Variants in KLF12 observed in about 807,000 individuals in gnomAD.
KLF12 encodes KLF transcription factor 12.
In KLF12, 9 loss-of-function variants were observed where a neutral mutation model predicts 37.8. The observed-to-expected ratio is 0.24, with a 90% CI of 0.14 to 0.42. The LOEUF (loss-of-function observed/expected upper bound fraction) is 0.42, where lower values mean the gene tolerates loss of function less well. Among genes scored for constraint, KLF12 ranks in the 10% least tolerant of loss-of-function variants. KLF12 has a pLI of 1.00. For synonymous variants in KLF12, 208 were observed against 202.1 expected, an observed-to-expected ratio of 1.03 and a Z score of -0.25; for missense variants, 411 against 516.0, an observed-to-expected ratio of 0.80 and a Z score of 1.97.
Position 73,879,807 on chromosome 13 carries a change from C to T in KLF12, c.124-33434G>A, listed in dbSNP as rs148190485. 5.3e-3 allele frequency among the ~76,000 whole-genome samples: 800 copies of T among 152,268 alleles called. 27 individuals are homozygous for T. Among genetic ancestry groups the T allele is most frequent in the Admixed American group, 0.047 (722 of 15,290 alleles). ...ATGGAACACCACGCCCTCTCATTTG[C>T]ATATCCCCCTCCAGCTGCTTTTGCA... On this transcript the variant is annotated intron_variant, in intron 3 of 7. Transcript: ENST00000377669.
chr13:74,087,190 A>G (rs1875360275), intron 1 of KLF12, among the ~76,000 whole-genome samples: 1 of 152,216 alleles, frequency 6.6e-6, no homozygotes, highest in African/African-American at 2.4e-5. Flanking sequence ...AACAGGAAAT[A>G]GAAAGCATGG....
the KLF12 span, among the ~76,000 whole-genome samples, chr13:74,149,759 G>A: frequency 6.6e-6 from 1 of 152,144 alleles, no homozygotes; most frequent in Non-Finnish European, 1.5e-5. Flanking sequence ...GGTAGTCATG[G>A]CATGGCTACC....
chr13:73,832,965 TAG>T (rs994398763), intron 4 of KLF12, among the ~76,000 whole-genome samples: 11 of 152,318 alleles, frequency 7.2e-5, no homozygotes, highest in Non-Finnish European at 1.5e-4. Context: ...GGAGAGAATA[TAG>T]AGTCTGGAGA....
At chr13:73,890,454 C>A (rs1030043164) in intron 3 of KLF12, among the ~76,000 whole-genome samples, 1 of 152,042 alleles carries the variant, frequency 6.6e-6, no homozygotes, top group African/African-American at 2.4e-5. Context: ...TTTAAAAAAT[C>A]ACCTTACATA....
At chr13:74,048,882 GA>G (rs1428778131) in intron 1 of KLF12, among the ~76,000 whole-genome samples, 4 of 152,166 alleles carry the variant, frequency 2.6e-5, no homozygotes, top group African/African-American at 9.7e-5. Context: ...GTAAGTGGAA[GA>G]AATGATTTGG....
the KLF12 span, among the ~76,000 whole-genome samples, chr13:74,214,617 GTGTC>G: frequency 6.6e-6 from 1 of 151,346 alleles, no homozygotes; most frequent in Non-Finnish European, 1.5e-5. Flanking sequence ...GTGGTATAGA[GTGTC>G]TGGTGATACT....
At chr13:74,135,314 G>A (rs1486008111), upstream of KLF12, among the ~76,000 whole-genome samples, 2 of 152,042 alleles carry the variant, frequency 1.3e-5, no homozygotes, top group Middle Eastern at 3.4e-3. Flanking sequence ...GACCCCCGCG[G>A]GGCCCGGGGG....
At chr13:73,732,790 T>C (rs990433437) in intron 6 of KLF12, among the ~76,000 whole-genome samples, 5 of 152,058 alleles carry the variant, frequency 3.3e-5, no homozygotes, top group Non-Finnish European at 7.4e-5. Context: ...GACTCGTATA[T>C]CTTTTAGGCC....
At chr13:74,007,662 T>G (rs1566502057) in intron 1 of KLF12, among the ~76,000 whole-genome samples, 1 of 152,284 alleles carries the variant, frequency 6.6e-6, no homozygotes, top group African/African-American at 2.4e-5. Context: ...AAAATAAACA[T>G]TAGTTTAAAA....
chr13:73,991,961 G>A (rs1891981327), intron 2 of KLF12, among the ~76,000 whole-genome samples: 1 of 152,188 alleles, frequency 6.6e-6, no homozygotes, highest in African/African-American at 2.4e-5. Context: ...CTCACAGAAA[G>A]GCTTGCTCTT....
intron 5 of KLF12, among the ~76,000 whole-genome samples, chr13:73,803,995 C>T (rs779460697): frequency 7.2e-5 from 11 of 152,198 alleles, no homozygotes; most frequent in Non-Finnish European, 1.5e-4. Context: ...ATACCATTTC[C>T]ACTTAAAACC....
At chr13:73,919,341 AC>A (rs1889004817) in intron 3 of KLF12, among the ~76,000 whole-genome samples, 1 of 152,188 alleles carries the variant, frequency 6.6e-6, no homozygotes, top group Non-Finnish European at 1.5e-5. Context: ...GACTCCTATA[AC>A]AAAACCTAAC....
At chr13:74,159,658 C>G in the KLF12 span, among the ~76,000 whole-genome samples, 6 of 152,158 alleles carry the variant, frequency 3.9e-5, no homozygotes, top group Admixed American at 2.6e-4. Context: ...TTCTTTCACT[C>G]TTATTCAGTA....
At chr13:74,127,414 A>C (rs1878002049) in intron 1 of KLF12, among the ~76,000 whole-genome samples, 2 of 152,246 alleles carry the variant, frequency 1.3e-5, no homozygotes, top group Non-Finnish European at 2.9e-5. Flanking sequence ...ACCAGAAGGA[A>C]TACTATGAGT....
chr13:74,210,283 A>G, the KLF12 span, among the ~76,000 whole-genome samples: 1 of 152,210 alleles, frequency 6.6e-6, no homozygotes, highest in Non-Finnish European at 1.5e-5. Flanking sequence ...AAAAATTATT[A>G]TGGTGAATGA....
chr13:74,063,547 G>T (rs1873735542), intron 1 of KLF12, among the ~76,000 whole-genome samples: 1 of 151,992 alleles, frequency 6.6e-6, no homozygotes, highest in Non-Finnish European at 1.5e-5. Context: ...TATTTCTCAG[G>T]TTTACTCCTT....
At chr13:74,171,148 C>A in the KLF12 span, among the ~76,000 whole-genome samples, 1 of 152,196 alleles carries the variant, frequency 6.6e-6, no homozygotes, top group East Asian at 1.9e-4. Context: ...CAAACCAGGT[C>A]TCCTGATGCC....
intron 5 of KLF12, among the ~76,000 whole-genome samples, chr13:73,805,366 T>A (rs966718854): frequency 6.6e-6 from 1 of 151,918 alleles, no homozygotes; most frequent in Non-Finnish European, 1.5e-5. Context: ...ATGCCTACAA[T>A]CCCAACATTT....
chr13:74,260,139 C>G, the KLF12 span, among the ~76,000 whole-genome samples: 6 of 151,858 alleles, frequency 4.0e-5, no homozygotes, highest in East Asian at 7.7e-4. Context: ...CACACACACT[C>G]ACACACACAC....
Sources: allele counts gnomAD v4.1 joint callset (sites outside exome capture counted in the v4.1 genomes callset), GRCh38; gene constraint gnomAD v4.1.1; transcripts MANE v1.5; gene names NCBI Gene and HGNC (gene_info 2026-07-23, HGNC 2026-07-21).